EXOC4: variants seen among roughly 807,000 people sequenced by gnomAD.
EXOC4 encodes the protein exocyst complex component 4, also known as SEC8-like 1.
Under a neutral mutation model 107.2 loss-of-function variants are expected in EXOC4, and 71 were observed. That is an observed-to-expected ratio of 0.66 (90% CI 0.55 to 0.81). The LOEUF (loss-of-function observed/expected upper bound fraction) is 0.81, where lower values mean the gene tolerates loss of function less well. Among genes scored for constraint, EXOC4 ranks in the 30% least tolerant of loss-of-function variants. The probability of loss-of-function intolerance (pLI) is 0.00; values close to 1 mark genes in which losing one functional copy is unlikely to be tolerated. For synonymous variants in EXOC4, 456 were observed against 441.2 expected, an observed-to-expected ratio of 1.03 and a Z score of -0.42; for missense variants, 1,108 against 1,189.6, an observed-to-expected ratio of 0.93 and a Z score of 1.01.
chr7:133,700,734 TG>T (rs1172149482), intron 10 of EXOC4, among the ~76,000 whole-genome samples: 1 of 152,198 alleles, frequency 6.6e-6, no homozygotes, highest in Non-Finnish European at 1.5e-5. Flanking sequence ...GCTTGGTAAT[TG>T]TTTTTTATAT....
chr7:133,396,756 A>G (rs1796978422), intron 7 of EXOC4, among the ~76,000 whole-genome samples: 1 of 152,154 alleles, frequency 6.6e-6, no homozygotes, highest in Non-Finnish European at 1.5e-5. Context: ...TGCCTATTTT[A>G]CAGAGAAGCT....
At chr7:133,899,501 A>G (rs1437489097) in intron 12 of EXOC4, among the ~76,000 whole-genome samples, 1 of 152,258 alleles carries the variant, frequency 6.6e-6, no homozygotes, top group Non-Finnish European at 1.5e-5. Flanking sequence ...TCCATTGGAC[A>G]TAGTTCTTTT....
intron 11 of EXOC4, among the ~76,000 whole-genome samples, chr7:133,857,634 A>G (rs1798445781): frequency 6.6e-6 from 1 of 151,698 alleles, no homozygotes; most frequent in Non-Finnish European, 1.5e-5. Context: ...CAGTGCACAC[A>G]GCCAGACACC....
At chr7:133,825,577 C>T (rs1284568590) in intron 11 of EXOC4, among the ~76,000 whole-genome samples, 5 of 152,134 alleles carry the variant, frequency 3.3e-5, no homozygotes, top group African/African-American at 9.7e-5. Context: ...ATCTCCCCAG[C>T]CAAGCTAAGG....
intron 7 of EXOC4, among the ~76,000 whole-genome samples, chr7:133,450,083 TTC>T (rs1798307666): frequency 6.6e-6 from 1 of 152,188 alleles, no homozygotes; most frequent in Non-Finnish European, 1.5e-5. Context: ...CTTTAAAGAT[TTC>T]TTTTACTGTT....
rs1563014990 is a variant in EXOC4 at position 133,823,882 on chromosome 7, A to ATATATATAAAT, written c.1734+6346_1734+6347insAATTATATATA. On this transcript the variant is annotated intron_variant, in intron 11 of 17. Coordinates refer to ENST00000253861, the MANE Select transcript of EXOC4 (RefSeq NM_021807.4). ...ATATATATATATATATTATATATATATATATATATATTTTATATATATATA... is the reference window on the plus strand; with the variant it reads ...ATATATATATATATATTATATATATATATATATAAATTATATATATATTTTATATATATATA... Among the ~76,000 whole-genome samples, 8 of 20,912 alleles carry ATATATATAAAT rather than the reference A, an allele frequency of 3.8e-4. No individual in the cohort carries two copies. The African/African-American group carries it at 5.5e-3, about 14-fold the overall frequency. 13.7% of individuals were successfully genotyped at this position (20,912 alleles called of 152,430 possible).
chr7:133,352,379 T>C (rs578220534), intron 5 of EXOC4, among the ~76,000 whole-genome samples: 1 of 152,182 alleles, frequency 6.6e-6, no homozygotes, highest in East Asian at 1.9e-4. Context: ...TGGTTATATC[T>C]TCTTACTGTG....
At chr7:133,526,428 T>C (rs1800079972) in intron 9 of EXOC4, among the ~76,000 whole-genome samples, 1 of 152,202 alleles carries the variant, frequency 6.6e-6, no homozygotes, top group Non-Finnish European at 1.5e-5. Context: ...TCAAATTGGC[T>C]TGCAGAGAAT....
At chr7:133,835,749 T>A (rs956919617) in intron 11 of EXOC4, among the ~76,000 whole-genome samples, 5 of 152,264 alleles carry the variant, frequency 3.3e-5, no homozygotes, top group Non-Finnish European at 7.3e-5. Flanking sequence ...GTGCATTAGT[T>A]AAATATTTAT....
At chr7:133,749,997 T>A (rs1795762949) in intron 10 of EXOC4, among the ~76,000 whole-genome samples, 1 of 147,760 alleles carries the variant, frequency 6.8e-6, no homozygotes, top group Non-Finnish European at 1.5e-5. Context: ...ACCAGTGGAT[T>A]TTGGTGCCAT....
At chr7:134,067,628 TATATATATATACAC>T (rs1211104430), downstream of EXOC4, among the ~76,000 whole-genome samples, 60 of 43,136 alleles carry the variant, frequency 1.4e-3, no homozygotes, top group African/African-American at 3.4e-3. Flanking sequence ...CCAACTCTTA[TATATATATATACAC>T]ACACACACAC....
intron 9 of EXOC4, among the ~76,000 whole-genome samples, chr7:133,571,156 C>G (rs1268154885): frequency 6.6e-6 from 1 of 152,128 alleles, no homozygotes; most frequent in Non-Finnish European, 1.5e-5. Flanking sequence ...ACTTATGTAG[C>G]TCTAGATCAT....
chr7:133,497,825 C>A (rs1271065610), intron 9 of EXOC4, among the ~76,000 whole-genome samples: 1 of 152,140 alleles, frequency 6.6e-6, no homozygotes, highest in South Asian at 2.1e-4. Flanking sequence ...ACATGTCTAT[C>A]AGTCTTAAAA....
At chr7:134,062,423 A>G (rs1267466547) in intron 17 of EXOC4, among the ~76,000 whole-genome samples, 1 of 152,214 alleles carries the variant, frequency 6.6e-6, no homozygotes. Flanking sequence ...CCACAAAGAT[A>G]GCTTCATTTC....
At chr7:133,348,334 G>C (rs758559252) in intron 5 of EXOC4, among the ~76,000 whole-genome samples, 4 of 152,154 alleles carry the variant, frequency 2.6e-5, no homozygotes, top group Non-Finnish European at 4.4e-5. Flanking sequence ...AACAAGTGCC[G>C]TTTGGGGCTG....
chr7:133,459,289 C>G (rs987384097), intron 7 of EXOC4, among the ~76,000 whole-genome samples: 4 of 152,066 alleles, frequency 2.6e-5, no homozygotes, highest in African/African-American at 9.7e-5. Context: ...TTCATAAGTA[C>G]CGAGTTAGGC....
intron 1 of EXOC4, among the ~76,000 whole-genome samples, chr7:133,261,889 T>C (rs1396053046): frequency 6.6e-6 from 1 of 152,164 alleles, no homozygotes. Flanking sequence ...AGGTTGTTAT[T>C]TTCCTGGCCT....
the EXOC4 span, among the ~76,000 whole-genome samples, chr7:134,079,899 G>A: frequency 6.6e-6 from 1 of 152,218 alleles, no homozygotes; most frequent in Admixed American, 6.5e-5. Flanking sequence ...CCTCTTGCCC[G>A]CAAAACCTAA....
chr7:133,593,372 G>GGGT (rs1801593904), intron 9 of EXOC4, among the ~76,000 whole-genome samples: 2 of 152,170 alleles, frequency 1.3e-5, no homozygotes, highest in Non-Finnish European at 2.9e-5. Context: ...ATTAACTCCA[G>GGGT]TAATCCTTAC....
Sources: allele counts gnomAD v4.1 joint callset (sites outside exome capture counted in the v4.1 genomes callset), GRCh38; gene constraint gnomAD v4.1.1; transcripts MANE v1.5; gene names NCBI Gene and HGNC (gene_info 2026-07-23, HGNC 2026-07-21).